The following ATP2C2 variants were observed in gnomAD, a reference collection of about 807,000 sequenced individuals.
The protein encoded by ATP2C2 is ATPase secretory pathway Ca2+ transporting 2.
In ATP2C2, 171 loss-of-function variants were observed where a neutral mutation model predicts 110.8. The ratio of observed to expected loss-of-function variants is 1.54; its 90% CI spans 1.36 to 1.75. ATP2C2 has a LOEUF of 1.75. ATP2C2 is among the 40% of genes most tolerant of loss of function. ATP2C2 has a pLI of 0.00. For missense variants in ATP2C2, 1,963 were observed against 1,235.0 expected (o/e 1.59, Z -8.84); for synonymous variants, 804 against 508.4 (o/e 1.58, Z -7.82).
At chr16:84,397,793 T>G (rs573234001) in intron 1 of ATP2C2, among the ~76,000 whole-genome samples, 1 of 151,958 alleles carries the variant, frequency 6.6e-6, no homozygotes, top group African/African-American at 2.4e-5. Flanking sequence ...TAAGCTGCTG[T>G]GAAAATTAGC....
At chr16:84,401,029 TTTG>T (rs1189259217) in intron 2 of ATP2C2, among the ~76,000 whole-genome samples, 1 of 152,188 alleles carries the variant, frequency 6.6e-6, no homozygotes, top group African/African-American at 2.4e-5. Context: ...GTCTCTTCAC[TTTG>T]TTGATGATTT....
chr16:84,409,172 C>G (rs890074546), intron 4 of ATP2C2, among the ~76,000 whole-genome samples: 1 of 152,110 alleles, frequency 6.6e-6, no homozygotes, highest in African/African-American at 2.4e-5. Flanking sequence ...AGCTGGAAAC[C>G]ATCATTCTAA....
chr16:84,454,808 C>A lies in ATP2C2; in HGVS notation c.1981-10C>A. ...AGGCTGCAGGCCTTCATTGCCTGCTCTTTCCAAAGGCTCTGCAGGAGTCAG... is the reference window on the plus strand; with the variant it reads ...AGGCTGCAGGCCTTCATTGCCTGCTATTTCCAAAGGCTCTGCAGGAGTCAG... On this transcript the variant is annotated splice_polypyrimidine_tract_variant and intron_variant, in intron 20 of 26. Transcript: ENST00000262429. 1 of 1,576,104 alleles carries A rather than the reference C, an allele frequency of 6.3e-7. No homozygotes were observed. Among genetic ancestry groups the A allele is most frequent in the Non-Finnish European group, 8.6e-7 (1 of 1,162,830 alleles).
intron 1 of ATP2C2, among the ~76,000 whole-genome samples, chr16:84,397,270 G>A (rs9788948): frequency 0.11 from 17,009 of 151,504 alleles, 1,163 homozygotes; most frequent in East Asian, 0.23. Flanking sequence ...GAACTTGGTT[G>A]TGTTTCCCCT....
intron 18 of ATP2C2, 136 bp downstream of exon 18, chr16:84,452,227 C>T: frequency 9.1e-7 from 1 of 1,099,336 alleles, no homozygotes; most frequent in Non-Finnish European, 1.3e-6. Context: ...AGAAAAGACG[C>T]TGAGTATTCG....
intron 23 of ATP2C2, chr16:84,460,082 A>C: frequency 5.1e-6 from 1 of 197,988 alleles, no homozygotes; most frequent in Non-Finnish European, 1.0e-5. Flanking sequence ...CTGCCAAGGG[A>C]AAGAGAGTCC....
intron 1 of ATP2C2, among the ~76,000 whole-genome samples, chr16:84,378,945 G>C (rs1321512999): frequency 6.6e-6 from 1 of 152,032 alleles, no homozygotes; most frequent in Non-Finnish European, 1.5e-5. Flanking sequence ...CCACTCCTCT[G>C]GCCCTCACCT....
In ATP2C2 at chr16:84,416,836, G is replaced by T. The variant is rs551628043; in HGVS notation, c.624+1245G>T. 6.6e-5 allele frequency among the ~76,000 whole-genome samples: 10 copies of T among 152,310 alleles called. No homozygotes were observed. In the East Asian group the frequency reaches 1.9e-3, roughly 29 times the overall value. ...GGTGCATGGATCCGGTCAGAGGAACGGCTGTCTGTGGCCAATCCCCGCCTA... is the reference window on the plus strand; with the variant it reads ...GGTGCATGGATCCGGTCAGAGGAACTGCTGTCTGTGGCCAATCCCCGCCTA... On this transcript the variant is annotated intron_variant, in intron 7 of 26. Coordinates refer to ENST00000262429, the MANE Select transcript of ATP2C2 (RefSeq NM_014861.4).
At chr16:84,423,337 C>T (rs1907527360) in intron 10 of ATP2C2, 74 bp downstream of exon 10, 9 of 1,400,182 alleles carry the variant, frequency 6.4e-6, no homozygotes, top group Admixed American at 1.7e-5. Context: ...TTGCCATGGC[C>T]GTTTCTCAAA....
chr16:84,387,821 T>C (rs966366814), intron 1 of ATP2C2, among the ~76,000 whole-genome samples: 4 of 151,980 alleles, frequency 2.6e-5, no homozygotes, highest in African/African-American at 7.3e-5. Context: ...GTGTGGTGGC[T>C]GATGCCTGTA....
chr16:84,406,527 G>A, intron 3 of ATP2C2: 1 of 926,956 alleles, frequency 1.1e-6, no homozygotes, highest in Non-Finnish European at 1.3e-6. Context: ...ACCAATCACA[G>A]TCCCCTGGGC....
At chr16:84,385,232 A>G (rs1904303347) in intron 1 of ATP2C2, among the ~76,000 whole-genome samples, 1 of 152,120 alleles carries the variant, frequency 6.6e-6, no homozygotes, top group Non-Finnish European at 1.5e-5. Context: ...ACATGGTGGG[A>G]ACAGGAGCAA....
chr16:84,428,783 A>G (rs1445984339), intron 11 of ATP2C2, among the ~76,000 whole-genome samples: 1 of 152,210 alleles, frequency 6.6e-6, no homozygotes, highest in African/African-American at 2.4e-5. Flanking sequence ...TTCAATAGGA[A>G]AAGAAGAACA....
At chr16:84,461,667 G>A (rs771397782) in intron 24 of ATP2C2, 47 bp from the exon 25 acceptor site, 6 of 1,553,158 alleles carry the variant, frequency 3.9e-6, no homozygotes, top group Middle Eastern at 3.4e-4. Context: ...TCAGGATGGA[G>A]GTTGTCTCTT....
chr16:84,399,254 C>T (rs778586804), intron 2 of ATP2C2, among the ~76,000 whole-genome samples: 1 of 152,214 alleles, frequency 6.6e-6, no homozygotes, highest in Non-Finnish European at 1.5e-5. Context: ...AAGTTGGAAG[C>T]TAGTGTCTTT....
At chr16:84,448,060 AG>A (rs1909923186) in intron 16 of ATP2C2, among the ~76,000 whole-genome samples, 3 of 152,212 alleles carry the variant, frequency 2.0e-5, no homozygotes, top group Non-Finnish European at 4.4e-5. Flanking sequence ...ACAGAGCTTA[AG>A]AAAAACACAG....
intron 11 of ATP2C2, 116 bp downstream of exon 11, chr16:84,425,917 G>A: frequency 7.8e-7 from 1 of 1,283,150 alleles, no homozygotes; most frequent in Non-Finnish European, 1.1e-6. Flanking sequence ...GGAAGGTGCA[G>A]CCCCGTCACC....
intron 2 of ATP2C2, among the ~76,000 whole-genome samples, chr16:84,403,077 C>T (rs1482233824): frequency 6.6e-6 from 1 of 152,110 alleles, no homozygotes; most frequent in African/African-American, 2.4e-5. Flanking sequence ...CATATAGTTG[C>T]TCCTGGTAGC....
intron 11 of ATP2C2, among the ~76,000 whole-genome samples, chr16:84,435,646 T>C (rs1306767558): frequency 2.0e-5 from 3 of 151,942 alleles, no homozygotes; most frequent in African/African-American, 4.8e-5. Context: ...GGTAACAGAG[T>C]GAGACCTTGT....
Sources: allele counts gnomAD v4.1 joint callset (sites outside exome capture counted in the v4.1 genomes callset), GRCh38; gene constraint gnomAD v4.1.1; transcripts MANE v1.5; gene names NCBI Gene and HGNC (gene_info 2026-07-23, HGNC 2026-07-21).